Variants in RBPJ observed in about 807,000 individuals in gnomAD.
The protein encoded by RBPJ is recombination signal binding protein for immunoglobulin kappa J region.
RBPJ carries 9 observed loss-of-function variants against 67.8 expected under a neutral mutation model. That is an observed-to-expected ratio of 0.13 (90% CI 0.08 to 0.23). The LOEUF (loss-of-function observed/expected upper bound fraction) is 0.23. Ranked by LOEUF, RBPJ falls within the 10% of genes least tolerant of loss-of-function variation. The pLI, the probability that RBPJ is intolerant of heterozygous loss-of-function variation, is 1.00. For missense variants in RBPJ, 305 were observed against 595.6 expected (o/e 0.51, Z 5.08); for synonymous variants, 198 against 203.3 (o/e 0.97, Z 0.22).
the RBPJ span, among the ~76,000 whole-genome samples, chr4:26,107,884 A>T: frequency 6.6e-6 from 1 of 152,198 alleles, no homozygotes; most frequent in Non-Finnish European, 1.5e-5. Flanking sequence ...GGCAACAGAA[A>T]GAGACCCTGT....
intron 1 of RBPJ, among the ~76,000 whole-genome samples, chr4:26,163,932 C>A (rs2109108985): frequency 6.6e-6 from 1 of 152,380 alleles, no homozygotes. Context: ...TAGGACCTTT[C>A]ATGTCTCCTC....
the RBPJ span, among the ~76,000 whole-genome samples, chr4:26,152,417 T>C: frequency 1.3e-5 from 2 of 152,218 alleles, no homozygotes; most frequent in African/African-American, 4.8e-5. Context: ...TGCTTTCAGA[T>C]TGTTGTTACA....
At chr4:26,187,178 C>T (rs1577450265) in intron 1 of RBPJ, among the ~76,000 whole-genome samples, 2 of 152,104 alleles carry the variant, frequency 1.3e-5, no homozygotes, top group East Asian at 1.9e-4. Context: ...GCCATGACTG[C>T]GCTACTGCAT....
At chr4:26,415,154 G>A (rs1360944704) in intron 3 of RBPJ, among the ~76,000 whole-genome samples, 1 of 152,246 alleles carries the variant, frequency 6.6e-6, no homozygotes, top group South Asian at 2.1e-4. Context: ...ATATGTTAGA[G>A]TACACTGGAT....
chr4:26,187,236 G>A (rs1369076231), intron 1 of RBPJ, among the ~76,000 whole-genome samples: 8 of 151,990 alleles, frequency 5.3e-5, no homozygotes, highest in African/African-American at 1.7e-4. Flanking sequence ...AAACAAAAAC[G>A]AAAACAAAAA....
At chr4:26,309,610 G>T (rs942061429) in intron 1 of RBPJ, among the ~76,000 whole-genome samples, 1 of 152,202 alleles carries the variant, frequency 6.6e-6, no homozygotes, top group Non-Finnish European at 1.5e-5. Context: ...AGCTAGTTCA[G>T]TGTTCTTTCA....
intron 1 of RBPJ, chr4:26,272,789 T>C (rs1186348709): frequency 6.8e-6 from 3 of 438,254 alleles, no homozygotes; most frequent in East Asian, 7.2e-5. Flanking sequence ...AAGGGGGTGA[T>C]GGGATGGAGG....
chr4:26,405,902 G>A (rs1733350340), intron 2 of RBPJ, among the ~76,000 whole-genome samples: 1 of 152,124 alleles, frequency 6.6e-6, no homozygotes, highest in South Asian at 2.1e-4. Context: ...TGTAATTGTG[G>A]TTTGAGTTAC....
chr4:26,246,914 T>C (rs1257960420), intron 1 of RBPJ, among the ~76,000 whole-genome samples: 1 of 151,646 alleles, frequency 6.6e-6, no homozygotes, highest in Non-Finnish European at 1.5e-5. Flanking sequence ...TTCTCATTCA[T>C]AGAAGAGTAG....
intron 1 of RBPJ, among the ~76,000 whole-genome samples, chr4:26,217,844 G>A (rs1179840596): frequency 6.6e-6 from 1 of 152,230 alleles, no homozygotes; most frequent in Admixed American, 6.5e-5. Flanking sequence ...GGTTTGGACA[G>A]TCCCTGCGAA....
At chr4:26,175,109 T>A (rs1716747442) in intron 1 of RBPJ, among the ~76,000 whole-genome samples, 1 of 152,176 alleles carries the variant, frequency 6.6e-6, no homozygotes. Context: ...CATTTTCTAA[T>A]GCCTGAACTA....
At chr4:26,187,195 C>A (rs1298559227) in intron 1 of RBPJ, among the ~76,000 whole-genome samples, 1 of 152,168 alleles carries the variant, frequency 6.6e-6, no homozygotes, top group African/African-American at 2.4e-5. Context: ...GCATTCCAGG[C>A]TGAGCAACAG....
intron 1 of RBPJ, among the ~76,000 whole-genome samples, chr4:26,340,980 A>C (rs1475273731): frequency 1.3e-5 from 2 of 152,348 alleles, no homozygotes; most frequent in East Asian, 3.9e-4. Flanking sequence ...TAGACGCCCA[A>C]GAGGAAATGT....
chr4:26,244,743 G>A (rs181263279), intron 1 of RBPJ, among the ~76,000 whole-genome samples: 12 of 151,920 alleles, frequency 7.9e-5, no homozygotes, highest in African/African-American at 2.9e-4. Flanking sequence ...TTCTGCCTCA[G>A]CTTCCTGAGT....
chr4:26,190,667 A>G (rs747643174), intron 1 of RBPJ, among the ~76,000 whole-genome samples: 2 of 152,188 alleles, frequency 1.3e-5, no homozygotes, highest in Non-Finnish European at 2.9e-5. Flanking sequence ...TTTGAAGACC[A>G]TTAGCCTATG....
chr4:26,311,557 C>G (rs1722428331), intron 1 of RBPJ, among the ~76,000 whole-genome samples: 1 of 151,542 alleles, frequency 6.6e-6, no homozygotes, highest in South Asian at 2.1e-4. Flanking sequence ...AAAAAAGTGT[C>G]ACTGTGTTTA....
At chr4:26,359,666 C>G (rs980553418) in intron 1 of RBPJ, 1 of 151,542 alleles carries the variant, frequency 6.6e-6, no homozygotes, top group African/African-American at 2.4e-5. Flanking sequence ...GCTCTCCCAC[C>G]CCGCCGACAG....
chr4:26,131,851 CAGGAAACCAATAGATCCCACCTCTCCCCT>C, the RBPJ span, among the ~76,000 whole-genome samples: 2 of 152,186 alleles, frequency 1.3e-5, no homozygotes, highest in Non-Finnish European at 2.9e-5. Context: ...ACAGCAGCCA[CAGGAAACCAATAGATCCCACCTCTCCCCT>C]CACCACCACT....
intron 1 of RBPJ, among the ~76,000 whole-genome samples, chr4:26,380,286 A>G (rs1276732815): frequency 6.6e-6 from 1 of 152,212 alleles, no homozygotes; most frequent in Non-Finnish European, 1.5e-5. Flanking sequence ...ACGTCTGTGA[A>G]GCTACATCGT....
Sources: allele counts gnomAD v4.1 joint callset (sites outside exome capture counted in the v4.1 genomes callset), GRCh38; gene constraint gnomAD v4.1.1; transcripts MANE v1.5; gene names NCBI Gene and HGNC (gene_info 2026-07-23, HGNC 2026-07-21).